Variants in CFAP44 observed in about 807,000 individuals in gnomAD.
CFAP44 encodes cilia and flagella associated protein 44, also known as cilia- and flagella-associated protein 44.
Under a neutral mutation model 216.2 loss-of-function variants are expected in CFAP44, and 134 were observed. The observed-to-expected ratio is 0.62, with a 90% confidence interval of 0.54 to 0.72. The LOEUF is 0.72. Among genes scored for constraint, CFAP44 ranks in the 30% least tolerant of loss-of-function variants. The pLI is 0.00. For synonymous variants in CFAP44, 700 were observed against 727.6 expected, an observed-to-expected ratio of 0.96 and a Z score of 0.61; for missense variants, 2,035 against 2,182.1, an observed-to-expected ratio of 0.93 and a Z score of 1.34.
In CFAP44 at chr3:113,296,887, T is replaced by C; in HGVS notation, c.5078-2A>G. 6.5e-7 allele frequency: 1 copy of C among 1,537,238 alleles called. No homozygotes were observed. The highest frequency in any genetic ancestry group is 8.7e-7 in the Non-Finnish European group (1 of 1,146,878). On this transcript the variant is annotated splice_acceptor_variant, in intron 32 of 34. Transcript: ENST00000393845. LOFTEE classifies it high-confidence loss of function. ...GCTGCCGGACTGTTTCCTCCATTTC[T>C]AAAAGAAGACAGTCACTGGCTCAGG...
chr3:113,352,612 T>C (rs1430509088), intron 22 of CFAP44, among the ~76,000 whole-genome samples: 1 of 152,110 alleles, frequency 6.6e-6, no homozygotes, highest in East Asian at 1.9e-4. Context: ...CCATTTACAA[T>C]ATGTAGAATA....
At chr3:113,297,426 C>T (rs974509467) in intron 32 of CFAP44, among the ~76,000 whole-genome samples, 1 of 152,040 alleles carries the variant, frequency 6.6e-6, no homozygotes, top group Non-Finnish European at 1.5e-5. Flanking sequence ...CAGGCTCACC[C>T]CAGCCTCATT....
intron 28 of CFAP44, among the ~76,000 whole-genome samples, chr3:113,324,088 A>T (rs766647486): frequency 6.6e-6 from 1 of 151,648 alleles, no homozygotes; most frequent in East Asian, 1.9e-4. Flanking sequence ...GAACAACCCT[A>T]TAACTATTAA....
rs76055909 is a variant in CFAP44 at position 113,358,767 on chromosome 3, C to T, written c.3043G>A (p.Gly1015Ser). 570 of 1,536,486 alleles carry T rather than the reference C, an allele frequency of 3.7e-4. 2 individuals are homozygous for T. The African/African-American group carries it at 5.6e-3, about 15-fold the overall frequency. ...TACCGATTCTTTAGCTTCATTAGGC[C>T]GAGTTCATGTTTCTCTTTTTCCCAA... ...LAWEKEKHEL[G>S]LMKLKNRFRD... Residue 1015 changes from glycine to serine, a missense_variant, in exon 22 of 35, where the codon GGC becomes AGC. By Grantham distance (56) the Gly-to-Ser change is moderately conservative. This residue lies in a region of CFAP44 where 1,883 missense variants were observed against 2,023.7 expected (regional missense o/e 0.93). Coordinates refer to ENST00000393845, the MANE Select transcript of CFAP44 (RefSeq NM_001164496.2).
At chr3:113,349,745 C>G (rs1020316641) in intron 22 of CFAP44, among the ~76,000 whole-genome samples, 20 of 152,150 alleles carry the variant, frequency 1.3e-4, no homozygotes, top group African/African-American at 4.8e-4. Flanking sequence ...CCTCACTGAG[C>G]CCCAGGTATG....
chr3:113,397,191 G>A, intron 13 of CFAP44: 1 of 161,862 alleles, frequency 6.2e-6, no homozygotes. Context: ...AAGAGATGGT[G>A]GAGCTGATAA....
rs747503079 is a variant in CFAP44, at chr3:113,366,105, A to T, written c.2649T>A (p.Phe883Leu). The stretch of plus-strand genomic sequence containing the variant: ...TAAATTCAGAAAAAATGTTGAAAAC[A>T]AAGATATTGCCATCTGCTCCAGCAG... ...LVTAGADGNIFVFNIFSEFML... is the reference protein window; with the variant it reads ...LVTAGADGNILVFNIFSEFML... The change falls in exon 19 of 35, where the codon TTT becomes TTA. Residue 883 changes from phenylalanine (F) to leucine (L), a missense_variant. Transcript: ENST00000393845. 1 of 1,614,038 alleles carries T rather than the reference A, an allele frequency of 6.2e-7. No homozygotes were observed. Among genetic ancestry groups the T allele is most frequent in the African/African-American group, 1.3e-5 (1 of 75,054 alleles).
chr3:113,305,007 G>C (rs367874518), intron 31 of CFAP44, 29 bp downstream of exon 31: 1 of 1,529,566 alleles, frequency 6.5e-7, no homozygotes, highest in African/African-American at 1.4e-5. Context: ...TTCTCGGACA[G>C]GATGGAGCAG....
intron 4 of CFAP44, among the ~76,000 whole-genome samples, chr3:113,421,125 A>G (rs1431839262): frequency 2.0e-5 from 3 of 152,202 alleles, no homozygotes; most frequent in Non-Finnish European, 4.4e-5. Context: ...TCCAAAATCT[A>G]TAAGGAACTT....
chr3:113,313,990 TAGACA>T, intron 28 of CFAP44, among the ~76,000 whole-genome samples: 1 of 152,090 alleles, frequency 6.6e-6, no homozygotes, highest in South Asian at 2.1e-4. Context: ...GACTGAACAA[TAGACA>T]TCATCCAATT....
At chr3:113,304,156 A>C (rs1949963440) in intron 31 of CFAP44, 39 bp from the exon 32 acceptor site, 1 of 1,515,014 alleles carries the variant, frequency 6.6e-7, no homozygotes, top group African/African-American at 1.4e-5. Context: ...ATAGACAAAA[A>C]CACAGATTTT....
At position 113,341,847 on chromosome 3, in the gene CFAP44, C is replaced by T. The variant is rs994045386; in HGVS notation, c.3334G>A (p.Glu1112Lys). The stretch of plus-strand genomic sequence containing the variant: ...TCAATTTGATTTTCCACGATGATTT[C>T]ACTTAGGGTTTTAGGCCGAAATTTC... ...GKKFRPKTLSEIIVENQIEKT... is the reference protein window; with the variant it reads ...GKKFRPKTLSKIIVENQIEKT... The change falls in exon 24 of 35, where the codon GAA becomes AAA. Residue 1112 changes from glutamate (E) to lysine (K), a missense_variant. By Grantham distance (56) the Glu-to-Lys change is moderately conservative (BLOSUM62 1). Transcript: ENST00000393845. 1.3e-6 allele frequency: 2 copies of T among 1,532,452 alleles called. No individual in the cohort carries two copies. Among genetic ancestry groups the T allele is most frequent in the Admixed American group, 2.0e-5 (1 of 49,998 alleles). The allele number at this position is 1,532,452 out of a possible 1,614,324, so 94.9% of individuals were successfully genotyped here.
At chr3:113,435,467 T>C (rs969719631) in intron 1 of CFAP44, among the ~76,000 whole-genome samples, 14 of 152,148 alleles carry the variant, frequency 9.2e-5, no homozygotes, top group African/African-American at 3.1e-4. Context: ...GCCCCCATGA[T>C]TCAGTTACCT....
At chr3:113,344,833 C>T (rs961523189) in intron 22 of CFAP44, 121 bp from the exon 23 acceptor site, 1 of 876,808 alleles carries the variant, frequency 1.1e-6, no homozygotes, top group African/African-American at 1.7e-5. Context: ...GTGCTAGACT[C>T]AAATTTTAAC....
chr3:113,292,534 C>T (rs1201340034), intron 34 of CFAP44, among the ~76,000 whole-genome samples: 1 of 152,160 alleles, frequency 6.6e-6, no homozygotes, highest in Non-Finnish European at 1.5e-5. Context: ...TGCGTGGTGC[C>T]CACTTTGTGC....
chr3:113,328,561 TTTAA>T (rs1950208890), intron 26 of CFAP44, among the ~76,000 whole-genome samples: 1 of 151,458 alleles, frequency 6.6e-6, no homozygotes, highest in Non-Finnish European at 1.5e-5. Context: ...ATTCTATGTT[TTTAA>T]TTAGTTTGTA....
At position 113,409,207 on chromosome 3, in the gene CFAP44, T is replaced by C; in HGVS notation, c.789A>G (p.Gln263=). The change falls in exon 7 of 35, where the codon CAA becomes CAG. Residue 263 remains glutamine (Q), a synonymous_variant. Coordinates refer to ENST00000393845, the MANE Select transcript of CFAP44 (RefSeq NM_001164496.2). ...AAAAAGCTTTTGTCCTTAGTATGGG[T>C]TGTTCTTCTTTCCAGTTCCAGATAG... is the stretch of plus-strand genomic sequence containing the variant. The part of the protein sequence containing the change: ...TLTIWNWKEE[Q]PILRTKAFSQ... The C allele has an allele frequency of 2.5e-6, 4 of 1,614,090 alleles. No homozygotes were observed. Among genetic ancestry groups the C allele is most frequent in the Non-Finnish European group, 3.4e-6 (4 of 1,180,022 alleles).
chr3:113,428,776 C>G (rs1246372845), intron 2 of CFAP44: 1 of 152,090 alleles, frequency 6.6e-6, no homozygotes, highest in Non-Finnish European at 1.5e-5. Flanking sequence ...GGAAGGTGAC[C>G]AAGGAGAAAG....
At position 113,433,594 on chromosome 3, in the gene CFAP44, G is replaced by A; in HGVS notation, c.71C>T (p.Ser24Phe). 2.5e-6 allele frequency: 4 copies of A among 1,612,814 alleles called. No homozygotes were observed. The highest frequency in any genetic ancestry group is 3.4e-6 in the Non-Finnish European group (4 of 1,179,750). The stretch of plus-strand genomic sequence containing the variant: ...TGATTCTGATTTAGAAGACCTCAGA[G>A]ACTTCTTCCCATCACTCTTTGATGT... The part of the protein sequence containing the change: ...SVTSKSDGKK[S>F]LRSSKSESRS... Residue 24 changes from serine to phenylalanine, a missense_variant, in exon 2 of 35, where the codon TCT becomes TTT. Ser to Phe is a radical substitution (Grantham distance 155). This residue lies in a region of CFAP44 where 149 missense variants were observed against 141.8 expected (regional missense o/e 1.05). Coordinates refer to ENST00000393845, the MANE Select transcript of CFAP44 (RefSeq NM_001164496.2).
Sources: allele counts gnomAD v4.1 joint callset (sites outside exome capture counted in the v4.1 genomes callset), GRCh38; gene constraint gnomAD v4.1.1; regional missense constraint gnomAD v4.1.1; transcripts MANE v1.5; gene names NCBI Gene and HGNC (gene_info 2026-07-23, HGNC 2026-07-21).